Variants in TMEM163 observed in about 807,000 individuals in gnomAD.
The protein encoded by TMEM163 is transmembrane protein 163.
Under a neutral mutation model 29.3 loss-of-function variants are expected in TMEM163, and 17 were observed. The observed-to-expected ratio is 0.58, with a 90% confidence interval of 0.40 to 0.87. The LOEUF (loss-of-function observed/expected upper bound fraction) is 0.87. TMEM163 is among the 40% of genes least tolerant of loss of function. TMEM163 has a pLI of 0.00. For synonymous variants in TMEM163, 157 were observed against 160.6 expected (o/e 0.98, Z 0.17); for missense variants, 303 against 381.5 (o/e 0.79, Z 1.71).
intron 2 of TMEM163, among the ~76,000 whole-genome samples, chr2:134,645,156 C>T (rs146800207): frequency 5.3e-5 from 8 of 152,298 alleles, no homozygotes; most frequent in Non-Finnish European, 8.8e-5. Flanking sequence ...TCTTATACAT[C>T]GCTGGTAGGA....
At chr2:134,527,579 G>T (rs1332776449) in intron 4 of TMEM163, among the ~76,000 whole-genome samples, 1 of 152,170 alleles carries the variant, frequency 6.6e-6, no homozygotes, top group Non-Finnish European at 1.5e-5. Context: ...TTCCAGAAAA[G>T]TATGTGACAG....
Position 134,627,671 on chromosome 2 carries a change from A to G in TMEM163, c.323-75580T>C, listed in dbSNP as rs1682883064. Among the ~76,000 whole-genome samples the G allele has an allele frequency of 4.6e-5, 7 of 152,328 alleles. No individual in the cohort carries two copies. The South Asian group carries it at 1.4e-3, about 32-fold the overall frequency. On this transcript the variant is annotated intron_variant, in intron 2 of 7. Transcript: ENST00000281924. ...TTGGGAAAGAAAAAAAGATGTATGG[A>G]TACGCAACAGAGACAGTATATAACC... is the stretch of plus-strand genomic sequence containing the variant.
chr2:134,632,286 C>A (rs189091077), intron 2 of TMEM163, among the ~76,000 whole-genome samples: 5 of 152,224 alleles, frequency 3.3e-5, no homozygotes, highest in Admixed American at 1.3e-4. Context: ...GCTTTGTGTG[C>A]CTCTCTGGAC....
chr2:134,518,667 A>T (rs1348124904), intron 4 of TMEM163, among the ~76,000 whole-genome samples: 1 of 152,182 alleles, frequency 6.6e-6, no homozygotes, highest in Non-Finnish European at 1.5e-5. Context: ...GTCCCAATTC[A>T]GCACGGTATA....
intron 2 of TMEM163, among the ~76,000 whole-genome samples, chr2:134,568,952 T>A (rs969292895): frequency 6.6e-6 from 1 of 152,154 alleles, no homozygotes; most frequent in East Asian, 1.9e-4. Flanking sequence ...AAAAGTGAGA[T>A]TCAGACACTC....
chr2:134,613,179 G>C (rs549820851), intron 2 of TMEM163, among the ~76,000 whole-genome samples: 66 of 152,232 alleles, frequency 4.3e-4, no homozygotes, highest in African/African-American at 1.5e-3. Flanking sequence ...GAAAAAATCA[G>C]CAAACTTGAA....
At chr2:134,693,608 CAAAA>C (rs35183610) in intron 2 of TMEM163, among the ~76,000 whole-genome samples, 50 of 66,644 alleles carry the variant, frequency 7.5e-4, no homozygotes, top group Middle Eastern at 0.01. Flanking sequence ...AAAACTACAT[CAAAA>C]AAAAAAAAAA....
intron 2 of TMEM163, among the ~76,000 whole-genome samples, chr2:134,626,988 G>A (rs1361367421): frequency 2.0e-5 from 3 of 152,226 alleles, no homozygotes; most frequent in African/African-American, 4.8e-5. Context: ...CGCCAGCAGC[G>A]TTTAAGAGAG....
chr2:134,524,891 G>A (rs1191759893), intron 4 of TMEM163, among the ~76,000 whole-genome samples: 2 of 150,120 alleles, frequency 1.3e-5, no homozygotes, highest in African/African-American at 4.9e-5. Context: ...ACCCAGTAAT[G>A]GGATTGCTGT....
intron 2 of TMEM163, among the ~76,000 whole-genome samples, chr2:134,670,416 G>C (rs59495227): frequency 6.6e-6 from 1 of 152,122 alleles, no homozygotes; most frequent in Non-Finnish European, 1.5e-5. Flanking sequence ...GACCCCACGT[G>C]GGGGAACACT....
chr2:134,685,864 C>A (rs1033313302), intron 2 of TMEM163, among the ~76,000 whole-genome samples: 3 of 152,336 alleles, frequency 2.0e-5, no homozygotes, highest in South Asian at 2.1e-4. Flanking sequence ...TTCACTTGTA[C>A]TTTTTCATTA....
chr2:134,642,721 C>A (rs1286476529), intron 2 of TMEM163, among the ~76,000 whole-genome samples: 5 of 152,022 alleles, frequency 3.3e-5, no homozygotes, highest in African/African-American at 1.2e-4. Flanking sequence ...ACAAGAAAAT[C>A]TTTAAACATT....
intron 4 of TMEM163, among the ~76,000 whole-genome samples, chr2:134,547,916 CA>C (rs1680827480): frequency 6.6e-6 from 1 of 152,194 alleles, no homozygotes; most frequent in Admixed American, 6.5e-5. Context: ...CCAGACCTAA[CA>C]AATGTTCACA....
At chr2:134,560,549 G>A (rs1432351417) in intron 2 of TMEM163, among the ~76,000 whole-genome samples, 1 of 152,122 alleles carries the variant, frequency 6.6e-6, no homozygotes, top group Non-Finnish European at 1.5e-5. Context: ...CACTTTCTGG[G>A]GCACAATGGA....
At chr2:134,553,546 C>A (rs1680977578) in intron 2 of TMEM163, among the ~76,000 whole-genome samples, 1 of 152,344 alleles carries the variant, frequency 6.6e-6, no homozygotes, top group East Asian at 1.9e-4. Context: ...CATGGGAAAG[C>A]CACAGCGCTG....
At chr2:134,510,935 C>T (rs1284202610) in intron 4 of TMEM163, among the ~76,000 whole-genome samples, 3 of 152,142 alleles carry the variant, frequency 2.0e-5, no homozygotes, top group Non-Finnish European at 2.9e-5. Flanking sequence ...TCTCTGCTTC[C>T]AATGTACACT....
At chr2:134,600,679 G>T (rs912207096) in intron 2 of TMEM163, among the ~76,000 whole-genome samples, 4 of 152,176 alleles carry the variant, frequency 2.6e-5, no homozygotes, top group Admixed American at 2.0e-4. Context: ...TGTGAATAAT[G>T]AAAACAAATG....
intron 5 of TMEM163, among the ~76,000 whole-genome samples, chr2:134,477,513 G>T (rs908371215): frequency 5.3e-5 from 8 of 152,068 alleles, no homozygotes; most frequent in Non-Finnish European, 1.5e-5. Flanking sequence ...ATGTGGAATG[G>T]GAAATTTCTG....
At chr2:134,476,983 C>T (rs1016901254) in intron 5 of TMEM163, among the ~76,000 whole-genome samples, 6 of 152,176 alleles carry the variant, frequency 3.9e-5, no homozygotes, top group African/African-American at 1.4e-4. Context: ...TCTGGAAAAC[C>T]TTGTCTGACT....
Sources: gnomAD v4.1 joint callset for allele counts (sites outside exome capture counted in the v4.1 genomes callset) on GRCh38, gnomAD v4.1.1 for gene constraint, MANE v1.5 for transcripts, NCBI Gene and HGNC (gene_info 2026-07-23, HGNC 2026-07-21) for gene names.